Variants in TBCK observed in about 807,000 individuals in gnomAD.
TBCK encodes TBC domain-containing protein kinase-like protein.
Under a neutral mutation model 113.4 loss-of-function variants are expected in TBCK, and 99 were observed. The observed-to-expected ratio is 0.87, with a 90% confidence interval of 0.74 to 1.03. The LOEUF (loss-of-function observed/expected upper bound fraction) is 1.03, where lower values mean the gene tolerates loss of function less well. TBCK is among the 50% of genes least tolerant of loss of function. The pLI is 0.00. For synonymous variants in TBCK, 369 were observed against 370.8 expected, an observed-to-expected ratio of 1.00 and a Z score of 0.05; for missense variants, 1,045 against 1,061.3, an observed-to-expected ratio of 0.98 and a Z score of 0.21.
chr4:106,193,773 G>A lies in TBCK; in HGVS notation c.1898-3C>T. Reference sequence around the variant, plus strand: ...AATTTTGTGTAGTGGAAATACATCTGTAAAACGATAAAAATACAAATAAAT... The same window carrying A: ...AATTTTGTGTAGTGGAAATACATCTATAAAACGATAAAAATACAAATAAAT... On this transcript the variant is annotated splice_polypyrimidine_tract_variant and splice_region_variant and intron_variant, in intron 21 of 25. Coordinates refer to ENST00000394708, the MANE Select transcript of TBCK (RefSeq NM_001163435.3). 6.5e-7 allele frequency: 1 copy of A among 1,528,688 alleles called. No individual in the cohort carries two copies. Among genetic ancestry groups the A allele is most frequent in the Admixed American group, 2.3e-5 (1 of 42,730 alleles). 94.7% of individuals were successfully genotyped at this position (1,528,688 alleles called of 1,614,324 possible). A position where few individuals can be genotyped will look rare whatever the true frequency, so the allele number is the denominator to read the frequency against.
At chr4:106,277,401 A>T (rs1214646346) in intron 3 of TBCK, among the ~76,000 whole-genome samples, 1 of 152,226 alleles carries the variant, frequency 6.6e-6, no homozygotes, top group Non-Finnish European at 1.5e-5. Flanking sequence ...CAGGGCATTT[A>T]TATCAGCTTT....
chr4:106,118,708 G>A (rs546531183), intron 23 of TBCK, among the ~76,000 whole-genome samples: 2 of 152,188 alleles, frequency 1.3e-5, no homozygotes, highest in Non-Finnish European at 2.9e-5. Flanking sequence ...TTTCACCTGA[G>A]TGAAAAGAGT....
At chr4:106,183,197 TC>T in intron 22 of TBCK, among the ~76,000 whole-genome samples, 1 of 152,190 alleles carries the variant, frequency 6.6e-6, no homozygotes, top group South Asian at 2.1e-4. Flanking sequence ...GGCCAATCCA[TC>T]TTCCATACTA....
intron 25 of TBCK, among the ~76,000 whole-genome samples, chr4:106,049,201 CTA>C (rs1221948262): frequency 6.6e-5 from 10 of 152,064 alleles, no homozygotes; most frequent in Non-Finnish European, 1.5e-4. Context: ...TGAGCACCTA[CTA>C]AGTAGGTACC....
rs1050590907 is a variant in TBCK at position 106,042,841 on chromosome 4, CTCTG to C, written c.*3725_*3728del. 1 of 116,224 alleles carries C rather than the reference CTCTG, an allele frequency of 8.6e-6. No homozygotes were observed. The highest frequency in any genetic ancestry group is 3.6e-4 in the South Asian group (1 of 2,804). The allele number at this position is 116,224 out of a possible 1,614,324, so 7.2% of individuals were successfully genotyped here. ...TTACCCCAGACTTTCCACTGAACAA[CTCTG>C]TCTGTAACAGATTTTTCTTCCTTCA... is the stretch of plus-strand genomic sequence containing the variant. On this transcript the variant is annotated 3_prime_UTR_variant, in exon 26 of 26. Coordinates refer to ENST00000394708, the MANE Select transcript of TBCK (RefSeq NM_001163435.3).
At chr4:106,186,024 C>T (rs747314933) in intron 22 of TBCK, among the ~76,000 whole-genome samples, 1 of 152,084 alleles carries the variant, frequency 6.6e-6, no homozygotes, top group Non-Finnish European at 1.5e-5. Flanking sequence ...AAGATAATGG[C>T]TTCCAGCTCC....
intron 23 of TBCK, among the ~76,000 whole-genome samples, chr4:106,148,760 T>C (rs1172203577): frequency 6.6e-6 from 1 of 152,226 alleles, no homozygotes; most frequent in African/African-American, 2.4e-5. Context: ...GATTTTGGAA[T>C]GGTCAATGAG....
chr4:106,061,549 T>C (rs1287830396), intron 25 of TBCK, among the ~76,000 whole-genome samples: 1 of 151,458 alleles, frequency 6.6e-6, no homozygotes, highest in Non-Finnish European at 1.5e-5. Flanking sequence ...TGTAAACCAC[T>C]TTTATATGCA....
intron 7 of TBCK, 112 bp downstream of exon 7, chr4:106,250,306 G>A (rs1159576383): frequency 3.0e-6 from 2 of 663,228 alleles, no homozygotes; most frequent in Admixed American, 3.1e-5. Context: ...TTGAGTAAAG[G>A]GAGGATATTT....
intron 24 of TBCK, among the ~76,000 whole-genome samples, chr4:106,100,603 T>C (rs1741444014): frequency 6.6e-6 from 1 of 152,212 alleles, no homozygotes; most frequent in South Asian, 2.1e-4. Context: ...GATAATTCAA[T>C]CCTAATTTTG....
chr4:106,201,685 C>A (rs1280507448), intron 20 of TBCK, among the ~76,000 whole-genome samples: 1 of 151,766 alleles, frequency 6.6e-6, no homozygotes, highest in Non-Finnish European at 1.5e-5. Context: ...GAAGGGAGAA[C>A]CATCAATAGG....
rs551210327 is a variant in TBCK, at chr4:106,154,925, G to A, written c.2235+16170C>T. On this transcript the variant is annotated intron_variant, in intron 23 of 25. Transcript: ENST00000394708. ...CAGAGTCACAGTGTGATAATATTCT[G>A]TGTTTTTCTGTGTACTATTACTAGT... 4.0e-5 allele frequency among the ~76,000 whole-genome samples: 6 copies of A among 151,746 alleles called. No individual in the cohort carries two copies. In the East Asian group the frequency reaches 1.2e-3, roughly 29 times the overall value.
chr4:106,180,530 C>A (rs1179250012), intron 22 of TBCK, among the ~76,000 whole-genome samples: 3 of 152,022 alleles, frequency 2.0e-5, no homozygotes, highest in African/African-American at 7.2e-5. Context: ...TGTTATCCTT[C>A]CCCTAGCCCC....
chr4:106,055,149 A>T (rs1735241301), intron 25 of TBCK, among the ~76,000 whole-genome samples: 1 of 151,374 alleles, frequency 6.6e-6, no homozygotes, highest in Non-Finnish European at 1.5e-5. Context: ...TTTACTTTCT[A>T]CTCTTAGGCT....
At chr4:106,097,203 CAG>C (rs1741028173) in intron 24 of TBCK, among the ~76,000 whole-genome samples, 1 of 152,094 alleles carries the variant, frequency 6.6e-6, no homozygotes, top group African/African-American at 2.4e-5. Context: ...ATGACGGCAA[CAG>C]AGTCTTTTTT....
intron 25 of TBCK, among the ~76,000 whole-genome samples, chr4:106,057,880 C>T (rs1309543159): frequency 6.6e-6 from 1 of 151,712 alleles, no homozygotes; most frequent in Non-Finnish European, 1.5e-5. Flanking sequence ...TTTATGAGAG[C>T]AAGGGACTAT....
rs1347483090 is a variant in TBCK at position 106,206,668 on chromosome 4, T to C, written c.1860+6082A>G. On this transcript the variant is annotated intron_variant, in intron 20 of 25. Transcript: ENST00000394708. ...AAAAGCTCATTGTCAGTATTCTCTTTAGACTAAAATCTAAAATTTATTTAC... is the reference window on the plus strand; with the variant it reads ...AAAAGCTCATTGTCAGTATTCTCTTCAGACTAAAATCTAAAATTTATTTAC... Among the ~76,000 whole-genome samples, 7 of 152,194 alleles carry C rather than the reference T, an allele frequency of 4.6e-5. No homozygotes were observed. The East Asian group carries it at 1.3e-3, about 29-fold the overall frequency.
At chr4:106,177,535 T>C (rs1303317720) in intron 22 of TBCK, among the ~76,000 whole-genome samples, 3 of 151,964 alleles carry the variant, frequency 2.0e-5, no homozygotes, top group Non-Finnish European at 4.4e-5. Flanking sequence ...CTAGTTTCAT[T>C]AGTCTGCATA....
intron 24 of TBCK, among the ~76,000 whole-genome samples, chr4:106,099,288 A>G (rs916633266): frequency 6.6e-6 from 1 of 152,100 alleles, no homozygotes; most frequent in African/African-American, 2.4e-5. Context: ...TTTACATCCT[A>G]AAAGAGCACA....
Sources: gnomAD v4.1 joint callset for allele counts (sites outside exome capture counted in the v4.1 genomes callset) on GRCh38, gnomAD v4.1.1 for gene constraint, MANE v1.5 for transcripts, NCBI Gene and HGNC (gene_info 2026-07-23, HGNC 2026-07-21) for gene names.